MSRA: variants seen among roughly 807,000 people sequenced by gnomAD.
MSRA encodes mitochondrial peptide methionine sulfoxide reductase.
Under a neutral mutation model 31.3 loss-of-function variants are expected in MSRA, and 54 were observed. The observed-to-expected ratio is 1.73, with a 90% CI of 1.39 to 2.17. The LOEUF is 2.17. Among genes scored for constraint, MSRA ranks in the 30% most tolerant of loss-of-function variants. The pLI, the probability that MSRA is intolerant of heterozygous loss-of-function variation, is 0.00. For synonymous variants in MSRA, 169 were observed against 116.5 expected (o/e 1.45, Z -2.90); for missense variants, 507 against 300.9 (o/e 1.69, Z -5.07).
At chr8:10,352,957 T>C (rs577665219) in intron 5 of MSRA, among the ~76,000 whole-genome samples, 30 of 152,226 alleles carry the variant, frequency 2.0e-4, no homozygotes, top group Admixed American at 1.2e-3. Flanking sequence ...CCATTGCCCA[T>C]CTGAACTGTC....
chr8:10,135,905 A>T (rs1802236367), intron 1 of MSRA, among the ~76,000 whole-genome samples: 1 of 152,192 alleles, frequency 6.6e-6, no homozygotes, highest in Non-Finnish European at 1.5e-5. Flanking sequence ...GAATCCTCAG[A>T]TGCTTTATCT....
chr8:10,367,524 C>T (rs769367938), intron 5 of MSRA, among the ~76,000 whole-genome samples: 13 of 152,176 alleles, frequency 8.5e-5, no homozygotes, highest in African/African-American at 1.9e-4. Context: ...AGAACATCCT[C>T]GTGTGCTAGT....
chr8:10,383,535 C>T (rs980456248), intron 5 of MSRA, among the ~76,000 whole-genome samples: 2 of 152,020 alleles, frequency 1.3e-5, no homozygotes, highest in African/African-American at 2.4e-5. Context: ...AATTTAGCTG[C>T]CTGTCAGTTA....
At chr8:10,103,229 A>G (rs1258113314) in intron 1 of MSRA, among the ~76,000 whole-genome samples, 1 of 152,212 alleles carries the variant, frequency 6.6e-6, no homozygotes, top group African/African-American at 2.4e-5. Flanking sequence ...AGGTCAGTAT[A>G]TTAAAAATAG....
intron 3 of MSRA, among the ~76,000 whole-genome samples, chr8:10,252,276 G>A (rs531275083): frequency 6.6e-5 from 10 of 152,238 alleles, no homozygotes; most frequent in South Asian, 2.1e-4. Context: ...AGTTCGAATC[G>A]TACACCCATT....
chr8:10,113,116 G>T (rs545492570), intron 1 of MSRA, among the ~76,000 whole-genome samples: 5 of 151,998 alleles, frequency 3.3e-5, no homozygotes, highest in Admixed American at 2.6e-4. Context: ...TATCCTCAGG[G>T]TAGAGAACTG....
In MSRA at chr8:10,128,408, C is replaced by G. The variant is rs530703541; in HGVS notation, c.142+73750C>G. 2.0e-5 allele frequency among the ~76,000 whole-genome samples: 3 copies of G among 152,186 alleles called. No individual in the cohort carries two copies. In the East Asian group the frequency reaches 5.8e-4, roughly 29 times the overall value. On this transcript the variant is annotated intron_variant, in intron 1 of 5. Transcript: ENST00000317173. ...AAAAAAAAAAAATTCTGTCTAAATT[C>G]CAGTGATGATCAGATGTGAACATAA...
At chr8:10,206,323 G>C (rs1418786310) in intron 1 of MSRA, among the ~76,000 whole-genome samples, 1 of 152,200 alleles carries the variant, frequency 6.6e-6, no homozygotes, top group African/African-American at 2.4e-5. Flanking sequence ...AATTGTGCCA[G>C]TTAGTGGCTA....
chr8:10,075,314 A>T (rs1406499313), intron 1 of MSRA, among the ~76,000 whole-genome samples: 1 of 152,024 alleles, frequency 6.6e-6, no homozygotes, highest in East Asian at 1.9e-4. Flanking sequence ...GTTCAATAAA[A>T]CTCTTTTAGT....
intron 4 of MSRA, among the ~76,000 whole-genome samples, chr8:10,310,226 G>A (rs553433945): frequency 6.6e-6 from 1 of 152,298 alleles, no homozygotes; most frequent in Non-Finnish European, 1.5e-5. Context: ...ACTCGGATTG[G>A]AAGAACAGCT....
At position 10,370,847 on chromosome 8, in the gene MSRA, T is replaced by A. The variant is rs114320274; in HGVS notation, c.543+50858T>A. ...TGTCCTCCTTCCAGATGAGTCAGCTTGGGGATATTCATCTGAGCAGATAAG... is the reference window on the plus strand; with the variant it reads ...TGTCCTCCTTCCAGATGAGTCAGCTAGGGGATATTCATCTGAGCAGATAAG... On this transcript the variant is annotated intron_variant, in intron 5 of 5. Coordinates refer to ENST00000317173, the MANE Select transcript of MSRA (RefSeq NM_012331.5). 3.8e-3 allele frequency among the ~76,000 whole-genome samples: 577 copies of A among 152,336 alleles called. 8 individuals carry two copies. Among genetic ancestry groups the A allele is most frequent in the African/African-American group, 0.013 (554 of 41,584 alleles).
At chr8:10,361,391 T>C (rs899751562) in intron 5 of MSRA, among the ~76,000 whole-genome samples, 1 of 152,166 alleles carries the variant, frequency 6.6e-6, no homozygotes, top group Admixed American at 6.5e-5. Flanking sequence ...GGACTTAGGG[T>C]TCTAAGTCTT....
chr8:10,154,526 C>T (rs531635767), intron 1 of MSRA, among the ~76,000 whole-genome samples: 12 of 152,146 alleles, frequency 7.9e-5, no homozygotes, highest in East Asian at 5.8e-4. Flanking sequence ...TACAGGCACC[C>T]GCCACCACGC....
At chr8:10,170,964 A>G (rs1472464666) in intron 1 of MSRA, among the ~76,000 whole-genome samples, 1 of 152,244 alleles carries the variant, frequency 6.6e-6, no homozygotes, top group Non-Finnish European at 1.5e-5. Context: ...ATGATGTTGC[A>G]TAGGCGTGGT....
At chr8:10,144,035 C>G (rs1428713097) in intron 1 of MSRA, among the ~76,000 whole-genome samples, 3 of 152,072 alleles carry the variant, frequency 2.0e-5, no homozygotes, top group Non-Finnish European at 4.4e-5. Context: ...GCTTGCTTTT[C>G]CCATTTGTGA....
intron 3 of MSRA, among the ~76,000 whole-genome samples, chr8:10,270,602 C>T (rs541752405): frequency 2.1e-4 from 32 of 152,248 alleles, no homozygotes; most frequent in African/African-American, 7.2e-4. Flanking sequence ...CCACTGAAAC[C>T]ACGTCAGAGC....
chr8:10,140,725 T>G (rs554752861), intron 1 of MSRA, among the ~76,000 whole-genome samples: 104 of 152,324 alleles, frequency 6.8e-4, no homozygotes, highest in Non-Finnish European at 1.1e-3. Context: ...CAAGATCAAC[T>G]GACTAAAAAG....
Position 10,202,412 on chromosome 8 carries a change from G to A in MSRA, c.143-5421G>A, listed in dbSNP as rs1034822344. 2.6e-5 allele frequency among the ~76,000 whole-genome samples: 4 copies of A among 152,190 alleles called. No homozygotes were observed. The East Asian group carries it at 5.8e-4, about 22-fold the overall frequency. On this transcript the variant is annotated intron_variant, in intron 1 of 5. Coordinates refer to ENST00000317173, the MANE Select transcript of MSRA (RefSeq NM_012331.5). ...ATCCCTAGAGCAATATATAGTGTGGGGGATTTTCAGAGGTTTGTTATCACA... is the reference window on the plus strand; with the variant it reads ...ATCCCTAGAGCAATATATAGTGTGGAGGATTTTCAGAGGTTTGTTATCACA...
chr8:10,292,047 C>T (rs549505381), intron 3 of MSRA, among the ~76,000 whole-genome samples: 8 of 152,268 alleles, frequency 5.3e-5, no homozygotes, highest in African/African-American at 1.2e-4. Context: ...ATGGTGCTGG[C>T]CCATACAGTA....
Sources: allele counts gnomAD v4.1 joint callset (sites outside exome capture counted in the v4.1 genomes callset), GRCh38; gene constraint gnomAD v4.1.1; transcripts MANE v1.5; gene names NCBI Gene and HGNC (gene_info 2026-07-23, HGNC 2026-07-21).